KCNK9: variants seen among roughly 807,000 people sequenced by gnomAD.
KCNK9 encodes the protein potassium channel subfamily K member 9.
Under a neutral mutation model 10.8 loss-of-function variants are expected in KCNK9, and 1 was observed. That is an observed-to-expected ratio of 0.09 (90% confidence interval 0.03 to 0.44). KCNK9 has a LOEUF of 0.44. Ranked by LOEUF, KCNK9 falls within the 20% of genes least tolerant of loss-of-function variation. The pLI is 0.97. For missense variants in KCNK9, 303 were observed against 515.0 expected (o/e 0.59, Z 3.98); for synonymous variants, 231 against 222.7 (o/e 1.04, Z -0.33).
chr8:139,703,016 G>C lies in KCNK9; in HGVS notation c.-24C>G. On this transcript the variant is annotated 5_prime_UTR_variant, in exon 1 of 2. Transcript: ENST00000520439. This position sits in a 1 kb window ranked among gnomAD's most constrained non-coding sequence, Gnocchi z 6.4. ...ATGGCCGCCAGCAAGGAGCCGGCGCGGGGGGCATGTCCCGCAGGCTCACAG... is the reference window on the plus strand; with the variant it reads ...ATGGCCGCCAGCAAGGAGCCGGCGCCGGGGGCATGTCCCGCAGGCTCACAG... 1 of 1,544,826 alleles carries C rather than the reference G, an allele frequency of 6.5e-7. No individual in the cohort carries two copies. The highest frequency in any genetic ancestry group is 8.7e-7 in the Non-Finnish European group (1 of 1,148,326).
exon 3 of KCNK9, chr8:139,601,436 A>G (rs777349283): frequency 6.6e-6 from 1 of 152,136 alleles, no homozygotes. Context: ...CTCTAGACAC[A>G]TTTTGAAAAG....
chr8:139,701,437 CT>C (rs112025255), intron 1 of KCNK9, among the ~76,000 whole-genome samples: 1 of 151,294 alleles, frequency 6.6e-6, no homozygotes, highest in Admixed American at 6.6e-5. Context: ...CTGAGAAATC[CT>C]TTTTTTTTCA....
At chr8:139,635,018 TC>T (rs1228399142) in intron 1 of KCNK9, among the ~76,000 whole-genome samples, 3 of 152,032 alleles carry the variant, frequency 2.0e-5, no homozygotes, top group Non-Finnish European at 2.9e-5. Context: ...TCTGGGTCGT[TC>T]CCCTGCTGCA....
In KCNK9 at chr8:139,619,043, C is replaced by T; in HGVS notation, c.340G>A (p.Ala114Thr). The change falls in exon 2 of 2, where the codon GCC becomes ACC. Residue 114 changes from alanine to threonine, a missense_variant. Ala to Thr is a moderately conservative substitution (Grantham distance 58). Around this residue, in one of 5 missense-constraint regions of KCNK9, gnomAD observed 22 missense variants for 86.5 expected, o/e 0.25. Coordinates refer to ENST00000520439, the MANE Select transcript of KCNK9 (RefSeq NM_001282534.2). ...AGTGTCAGCGGGATGCCCAGCACGG[C>T]GTAGAACATGCAGAAGGCCTTGCCC... ...DAGKAFCMFY[A>T]VLGIPLTLVM... 6.2e-7 allele frequency: 1 copy of T among 1,614,132 alleles called. No homozygotes were observed. Among genetic ancestry groups the T allele is most frequent in the Non-Finnish European group, 8.5e-7 (1 of 1,180,026 alleles).
chr8:139,648,805 G>A (rs768098930), intron 1 of KCNK9, among the ~76,000 whole-genome samples: 2 of 152,212 alleles, frequency 1.3e-5, no homozygotes, highest in East Asian at 3.9e-4. Flanking sequence ...CCAATGACAC[G>A]TGCCGTGGGC....
chr8:139,702,703 C>G lies in KCNK9; in HGVS notation c.283+7G>C. The G allele has an allele frequency of 1.2e-6, 2 of 1,604,948 alleles. No individual in the cohort carries two copies. The highest frequency in any genetic ancestry group is 1.7e-6 in the Non-Finnish European group (2 of 1,178,026). On this transcript the variant is annotated splice_region_variant and intron_variant, in intron 1 of 1. Transcript: ENST00000520439. The surrounding 1 kb of genome is among the most constrained non-coding windows in gnomAD (Gnocchi z 7.5). The stretch of plus-strand genomic sequence containing the variant: ...CGCGGGAGCCCAGCGGCGCGCCCAG[C>G]CCTTACCTATGGTGGTGATGACCGT...
At chr8:139,661,878 A>G (rs962237184) in intron 1 of KCNK9, among the ~76,000 whole-genome samples, 2 of 152,156 alleles carry the variant, frequency 1.3e-5, no homozygotes, top group Non-Finnish European at 2.9e-5. Flanking sequence ...AGGTGAATAG[A>G]GGCTCACTCC....
chr8:139,631,218 T>C (rs1323565072), intron 1 of KCNK9, among the ~76,000 whole-genome samples: 2 of 152,270 alleles, frequency 1.3e-5, no homozygotes, highest in African/African-American at 4.8e-5. Context: ...GAAGCTGCCA[T>C]CCATCAGTGG....
At chr8:139,626,145 G>A (rs141631090) in intron 1 of KCNK9, among the ~76,000 whole-genome samples, 6 of 152,308 alleles carry the variant, frequency 3.9e-5, no homozygotes, top group African/African-American at 1.4e-4. Flanking sequence ...GCCTGGGCCA[G>A]GTGGACTGCA....
chr8:139,606,773 T>C (rs1814231996), intron 2 of KCNK9, among the ~76,000 whole-genome samples: 1 of 152,232 alleles, frequency 6.6e-6, no homozygotes, highest in Non-Finnish European at 1.5e-5. Context: ...TGTTTAACTG[T>C]AAGCCGCCTC....
downstream of KCNK9, among the ~76,000 whole-genome samples, chr8:139,609,106 A>C (rs2430820): frequency 0.062 from 7,569 of 122,730 alleles, no homozygotes; most frequent in African/African-American, 0.074. Context: ...GACCCATCCC[A>C]CCCCACCCCG....
At chr8:139,667,659 G>A (rs141111776) in intron 1 of KCNK9, among the ~76,000 whole-genome samples, 3,450 of 152,122 alleles carry the variant, frequency 0.023, 62 homozygotes, top group African/African-American at 0.051. Flanking sequence ...TCGTGCCACC[G>A]CACTCCAACC....
At chr8:139,656,007 G>A (rs1816010983) in intron 1 of KCNK9, among the ~76,000 whole-genome samples, 1 of 151,196 alleles carries the variant, frequency 6.6e-6, no homozygotes, top group Non-Finnish European at 1.5e-5. Context: ...AGAGGCTAGA[G>A]GCAAGCAGGG....
chr8:139,641,204 G>C (rs1435884356), intron 1 of KCNK9, among the ~76,000 whole-genome samples: 2 of 152,148 alleles, frequency 1.3e-5, no homozygotes, highest in Non-Finnish European at 2.9e-5. Context: ...GCTGTGGTGA[G>C]AACCCTGGGC....
intron 1 of KCNK9, among the ~76,000 whole-genome samples, chr8:139,694,178 G>A (rs1310436553): frequency 6.6e-6 from 1 of 152,144 alleles, no homozygotes; most frequent in Non-Finnish European, 1.5e-5. Context: ...GGGGTGGTGG[G>A]GAAGTGGCAA....
At chr8:139,700,764 A>G (rs1365818018) in intron 1 of KCNK9, among the ~76,000 whole-genome samples, 1 of 152,288 alleles carries the variant, frequency 6.6e-6, no homozygotes, top group East Asian at 1.9e-4. Context: ...ACAGGCATAC[A>G]CCCAGAGCTA....
chr8:139,639,874 CTG>C (rs1272018542), intron 1 of KCNK9, among the ~76,000 whole-genome samples: 2 of 152,214 alleles, frequency 1.3e-5, no homozygotes, highest in African/African-American at 4.8e-5. Flanking sequence ...CTTAACCTCT[CTG>C]GGCTCAGGGC....
At chr8:139,632,308 C>A (rs2129636088) in intron 1 of KCNK9, among the ~76,000 whole-genome samples, 1 of 152,312 alleles carries the variant, frequency 6.6e-6, no homozygotes, top group Non-Finnish European at 1.5e-5. Flanking sequence ...TTGTTCACAG[C>A]ATGTTTTCAC....
downstream of KCNK9, among the ~76,000 whole-genome samples, chr8:139,613,174 A>T (rs1282287900): frequency 6.6e-6 from 1 of 152,222 alleles, no homozygotes; most frequent in Admixed American, 6.5e-5. Context: ...AAAGTTGCAG[A>T]CATGACGACA....
Sources: allele counts gnomAD v4.1 joint callset (sites outside exome capture counted in the v4.1 genomes callset), GRCh38; gene constraint gnomAD v4.1.1; regional missense constraint gnomAD v4.1.1; non-coding constraint Gnocchi (gnomAD v3.1); transcripts MANE v1.5; gene names NCBI Gene and HGNC (gene_info 2026-07-23, HGNC 2026-07-21).